SOX10: variants seen among roughly 807,000 people sequenced by gnomAD.
SOX10 encodes the protein SRY-box transcription factor 10, also known as transcription factor SOX-10.
Under a neutral mutation model 35.0 loss-of-function variants are expected in SOX10, and 3 were observed. That is an observed-to-expected ratio of 0.09 (90% CI 0.04 to 0.22). The LOEUF is 0.22. Ranked by LOEUF, SOX10 falls within the 10% of genes least tolerant of loss-of-function variation. The probability of loss-of-function intolerance (pLI) is 1.00; values close to 1 mark genes in which losing one functional copy is unlikely to be tolerated. For synonymous variants in SOX10, 285 were observed against 291.0 expected (o/e 0.98, Z 0.21); for missense variants, 436 against 655.1 (o/e 0.67, Z 3.65).
rs762146254 is a variant in SOX10 at position 37,983,374 on chromosome 22, C to T, written c.411G>A (p.Thr137=). The T allele has an allele frequency of 6.2e-7, 1 of 1,608,854 alleles. No individual in the cohort carries two copies. Among genetic ancestry groups the T allele is most frequent in the Non-Finnish European group, 8.5e-7 (1 of 1,178,558 alleles). The change falls in exon 2 of 4, where the codon ACG becomes ACA. Residue 137 remains threonine (T), a synonymous_variant. Coordinates refer to ENST00000396884, the MANE Select transcript of SOX10 (RefSeq NM_006941.4). The surrounding 1 kb of genome is among the most constrained non-coding windows in gnomAD (Gnocchi z 9.5). Reference sequence around the variant, plus strand: ...GTGCTCACCTCCAGAGCTTGCCCAGCGTCTTGCTGAGCTCAGCGTTGTGCA... The same window carrying T: ...GTGCTCACCTCCAGAGCTTGCCCAGTGTCTTGCTGAGCTCAGCGTTGTGCA... The part of the protein sequence containing the change: ...PHLHNAELSK[T]LGKLWRLLNE...
At chr22:37,975,487 T>G (rs1932193894) in intron 3 of SOX10, among the ~76,000 whole-genome samples, 1 of 152,176 alleles carries the variant, frequency 6.6e-6, no homozygotes, top group African/African-American at 2.4e-5. Context: ...TGTGTGTGTG[T>G]GTCCCTGAAT....
In SOX10 at chr22:37,973,703, G is replaced by A. The variant is rs1012102759; in HGVS notation, c.1193C>T (p.Pro398Leu). 6 of 1,607,882 alleles carry A rather than the reference G, an allele frequency of 3.7e-6. No individual in the cohort carries two copies. The highest frequency in any genetic ancestry group is 4.3e-6 in the Non-Finnish European group (5 of 1,175,570). ...CTGATGGTCAGAGTAGTCAAACTGG[G>A]GGCGGGAGATGGAGGGGAAGGCTGA... ...YGSAFPSISRPQFDYSDHQPS... is the reference protein window; with the variant it reads ...YGSAFPSISRLQFDYSDHQPS... Residue 398 changes from proline to leucine, a missense_variant, in exon 4 of 4, where the codon CCC becomes CTC. This residue lies in a region of SOX10 where 285 missense variants were observed against 402.9 expected (regional missense o/e 0.71). Coordinates refer to ENST00000396884, the MANE Select transcript of SOX10 (RefSeq NM_006941.4).
At chr22:37,979,501 G>A (rs1300648052) in intron 2 of SOX10, among the ~76,000 whole-genome samples, 2 of 152,084 alleles carry the variant, frequency 1.3e-5, no homozygotes, top group African/African-American at 4.8e-5. Context: ...CCAGTGTGGT[G>A]GGACTGAGGG....
At chr22:37,977,381 C>T (rs1294140799) in intron 3 of SOX10, among the ~76,000 whole-genome samples, 2 of 150,662 alleles carry the variant, frequency 1.3e-5, no homozygotes, top group African/African-American at 2.4e-5. Context: ...AGTGCAGTGG[C>T]GCGATCCCGG....
At position 37,973,773 on chromosome 22, in the gene SOX10, T is replaced by C. The variant is rs1482471887; in HGVS notation, c.1123A>G (p.Thr375Ala). ...AGGGAGGTGTAGGCGATCTGTGAGG[T>C]GGATGGCTGGTCGGTGTAGTGTGGG... Reference protein sequence around the residue: ...GPPHYTDQPSTSQIAYTSLSL... With the variant: ...GPPHYTDQPSASQIAYTSLSL... The change falls in exon 4 of 4, where the codon ACC becomes GCC. Residue 375 changes from threonine to alanine, a missense_variant. This residue lies in a region of SOX10 where 285 missense variants were observed against 402.9 expected (regional missense o/e 0.71). Coordinates refer to ENST00000396884, the MANE Select transcript of SOX10 (RefSeq NM_006941.4). The C allele has an allele frequency of 1.3e-6, 2 of 1,594,880 alleles. No homozygotes were observed. Among genetic ancestry groups the C allele is most frequent in the South Asian group, 2.2e-5 (2 of 89,576 alleles).
chr22:37,974,230 C>A lies in SOX10; in HGVS notation c.698-32G>T. The A allele has an allele frequency of 6.5e-7, 1 of 1,531,176 alleles. No homozygotes were observed. Among genetic ancestry groups the A allele is most frequent in the Non-Finnish European group, 8.9e-7 (1 of 1,123,136 alleles). The allele number at this position is 1,531,176 out of a possible 1,614,324, so 94.8% of individuals were successfully genotyped here. A position where few individuals can be genotyped will look rare whatever the true frequency, so the allele number is the denominator to read the frequency against. ...AGAAGGGAGACAGAGAGAGAGAGCG[C>A]AAGGGGGAAGCAGGTTAGAGGCAGG... On this transcript the variant is annotated intron_variant, in intron 3 of 3. Coordinates refer to ENST00000396884, the MANE Select transcript of SOX10 (RefSeq NM_006941.4). This position sits in a 1 kb window ranked among gnomAD's most constrained non-coding sequence, Gnocchi z 5.4.
Position 37,983,061 on chromosome 22 carries a change from C to T in SOX10, c.428+296G>A, listed in dbSNP as rs1003660327. 1.3e-5 allele frequency among the ~76,000 whole-genome samples: 2 copies of T among 152,228 alleles called. No individual in the cohort carries two copies. Among genetic ancestry groups the T allele is most frequent in the African/African-American group, 4.8e-5 (2 of 41,466 alleles). ...GGCAGGAGTTAGTGAAGGCCTCCTTCCCTCCCTCCAAAGCCCCAGGCCCCA... is the reference window on the plus strand; with the variant it reads ...GGCAGGAGTTAGTGAAGGCCTCCTTTCCTCCCTCCAAAGCCCCAGGCCCCA... On this transcript the variant is annotated intron_variant, in intron 2 of 3. Coordinates refer to ENST00000396884, the MANE Select transcript of SOX10 (RefSeq NM_006941.4). This position sits in a 1 kb window ranked among gnomAD's most constrained non-coding sequence, Gnocchi z 9.5.
intron 2 of SOX10, among the ~76,000 whole-genome samples, chr22:37,981,910 G>A (rs903353433): frequency 1.3e-5 from 2 of 152,178 alleles, no homozygotes; most frequent in African/African-American, 4.8e-5. Context: ...AGGGGCACCA[G>A]GTCTTCAGCA....
rs911253769 is a variant in SOX10 at position 37,973,402 on chromosome 22, C to A, written c.*93G>T. The A allele has an allele frequency of 2.5e-5, 21 of 848,984 alleles. No individual in the cohort carries two copies. In the African/African-American group the frequency reaches 3.2e-4, roughly 13 times the overall value. 52.6% of individuals were successfully genotyped at this position (848,984 alleles called of 1,614,324 possible). A position where few individuals can be genotyped will look rare whatever the true frequency, so the allele number is the denominator to read the frequency against. On this transcript the variant is annotated 3_prime_UTR_variant, in exon 4 of 4. Coordinates refer to ENST00000396884, the MANE Select transcript of SOX10 (RefSeq NM_006941.4). ...GCCTCTTCAGCCTCCTCAGCCTCCT[C>A]CACTGCCACCACCAGGCCTGAGGTG...
rs561469122 is a variant in SOX10, at chr22:37,983,803, C to G, written c.-19G>C. 7.0e-7 allele frequency: 1 copy of G among 1,422,504 alleles called. No individual in the cohort carries two copies. The highest frequency in any genetic ancestry group is 1.3e-5 in the South Asian group (1 of 75,490). 88.1% of individuals were successfully genotyped at this position (1,422,504 alleles called of 1,614,324 possible). On this transcript the variant is annotated 5_prime_UTR_variant, in exon 2 of 4. Transcript: ENST00000396884. The surrounding 1 kb of genome is among the most constrained non-coding windows in gnomAD (Gnocchi z 9.5). ...CCGCCATGTCGCCCCCGGCCGCCGC[C>G]GCCGCCGCCTCGGCCGCCTCCCCCG...
chr22:37,982,043 G>T (rs1034520023), intron 2 of SOX10, among the ~76,000 whole-genome samples: 1 of 152,216 alleles, frequency 6.6e-6, no homozygotes, highest in Admixed American at 6.5e-5. Context: ...GGCTGGCAAG[G>T]GGGAGGGCAG....
intron 2 of SOX10, among the ~76,000 whole-genome samples, chr22:37,981,928 G>C (rs1378257698): frequency 6.6e-6 from 1 of 152,178 alleles, no homozygotes; most frequent in African/African-American, 2.4e-5. Flanking sequence ...GCAAACACAT[G>C]GCAAGAACAG....
Position 37,983,629 on chromosome 22 carries a change from G to C in SOX10, c.156C>G (p.Gly52=). Residue 52 remains glycine, a synonymous_variant, in exon 2 of 4, where the codon GGC becomes GGG. Coordinates refer to ENST00000396884, the MANE Select transcript of SOX10 (RefSeq NM_006941.4). This position sits in a 1 kb window ranked among gnomAD's most constrained non-coding sequence, Gnocchi z 9.5. The part of the protein sequence containing the change: ...LRASPGPGEL[G]KVKKEQQDGE... ...CGTCCTGCTGCTCCTTCTTGACCTT[G>C]CCCAGCTCGCCTGGCCCCGGGCTGG... 6.2e-7 allele frequency: 1 copy of C among 1,603,474 alleles called. No individual in the cohort carries two copies.
At position 37,973,625 on chromosome 22, in the gene SOX10, G is replaced by C. The variant is rs1385481745; in HGVS notation, c.1271C>G (p.Ala424Gly). Residue 424 changes from alanine to glycine, a missense_variant, in exon 4 of 4, where the codon GCC becomes GGC. Around this residue, in one of 3 missense-constraint regions of SOX10, gnomAD observed 285 missense variants for 402.9 expected, o/e 0.71. Coordinates refer to ENST00000396884, the MANE Select transcript of SOX10 (RefSeq NM_006941.4). The part of the protein sequence containing the change: ...HSGQASGLYS[A>G]FSYMGPSQRP... ...CTGCGAGGGCCCCATATAGGAGAAG[G>C]CCGAGTAGAGGCCAGAGGCCTGGCC... is the stretch of plus-strand genomic sequence containing the variant. The C allele has an allele frequency of 6.2e-7, 1 of 1,613,714 alleles. No homozygotes were observed. Among genetic ancestry groups the C allele is most frequent in the East Asian group, 2.2e-5 (1 of 44,878 alleles).
At position 37,978,015 on chromosome 22, in the gene SOX10, G is replaced by T. The variant is rs771810177; in HGVS notation, c.549C>A (p.Ala183=). 1 of 1,611,534 alleles carries T rather than the reference G, an allele frequency of 6.2e-7. No individual in the cohort carries two copies. Among genetic ancestry groups the T allele is most frequent in the African/African-American group, 1.3e-5 (1 of 74,930 alleles). Residue 183 remains alanine, a synonymous_variant, in exon 3 of 4, where the codon GCC becomes GCA. Transcript: ENST00000396884. This position sits in a 1 kb window ranked among gnomAD's most constrained non-coding sequence, Gnocchi z 5.0. ...CGGGGCACTCCGCCTCGCCCTGGGC[G>T]GCCTTCCCGTTCTTCCGCCGCCTGG... is the stretch of plus-strand genomic sequence containing the variant. ...YQPRRRKNGK[A]AQGEAECPGG...
chr22:37,975,206 T>C (rs765679029), intron 3 of SOX10, among the ~76,000 whole-genome samples: 4 of 152,198 alleles, frequency 2.6e-5, no homozygotes, highest in Admixed American at 2.0e-4. Flanking sequence ...GGGATACTAA[T>C]GTAAATAAAA....
chr22:37,983,613 G>A lies in SOX10; in HGVS notation c.172C>T (p.Gln58Ter). The change falls in exon 2 of 4, where the codon CAG becomes TAG. Residue 58 changes from glutamine to a stop codon, truncating the protein, a stop_gained. Transcript: ENST00000396884. LOFTEE classifies it high-confidence loss of function. This position sits in a 1 kb window ranked among gnomAD's most constrained non-coding sequence, Gnocchi z 9.5. Reference protein sequence around the residue: ...PGELGKVKKEQQDGEADDDKF... With the variant: ...PGELGKVKKE ...TCATCGTCCGCCTCGCCGTCCTGCT[G>A]CTCCTTCTTGACCTTGCCCAGCTCG... 6.2e-7 allele frequency: 1 copy of A among 1,606,788 alleles called. No individual in the cohort carries two copies.
intron 2 of SOX10, among the ~76,000 whole-genome samples, chr22:37,979,341 A>C (rs1197824896): frequency 6.7e-6 from 1 of 148,576 alleles, no homozygotes; most frequent in East Asian, 2.0e-4. Flanking sequence ...CAGGTGATCC[A>C]CCCGCCTTGG....
At chr22:37,977,093 G>A (rs1012838361) in intron 3 of SOX10, among the ~76,000 whole-genome samples, 2 of 150,908 alleles carry the variant, frequency 1.3e-5, no homozygotes, top group Non-Finnish European at 3.0e-5. Context: ...GCTTGAACCC[G>A]GGAGGAAAAG....
Sources: gnomAD v4.1 joint callset for allele counts (sites outside exome capture counted in the v4.1 genomes callset) on GRCh38, gnomAD v4.1.1 for gene constraint, gnomAD v4.1.1 regional missense constraint, Gnocchi (gnomAD v3.1) non-coding constraint, MANE v1.5 for transcripts, NCBI Gene and HGNC (gene_info 2026-07-23, HGNC 2026-07-21) for gene names.